The following PHLPP1 variants were observed in gnomAD, a reference collection of about 807,000 sequenced individuals.
PHLPP1 encodes the protein PH domain leucine-rich repeat-containing protein phosphatase 1.
Under a neutral mutation model 117.2 loss-of-function variants are expected in PHLPP1, and 42 were observed. The observed-to-expected ratio is 0.36, with a 90% CI of 0.28 to 0.46. The LOEUF (loss-of-function observed/expected upper bound fraction) is 0.46. Among genes scored for constraint, PHLPP1 ranks in the 20% least tolerant of loss-of-function variants. PHLPP1 has a pLI of 1.00. For missense variants in PHLPP1, 2,084 were observed against 2,241.9 expected (o/e 0.93, Z 1.42); for synonymous variants, 1,042 against 970.7 (o/e 1.07, Z -1.37).
At chr18:62,970,283 C>T (rs78794239) in intron 14 of PHLPP1, among the ~76,000 whole-genome samples, 3,592 of 152,222 alleles carry the variant, frequency 0.024, 143 homozygotes, top group African/African-American at 0.081. Context: ...GTTCTGCTTC[C>T]ATCTATGTTA....
intron 12 of PHLPP1, 139 bp from the exon 13 acceptor site, chr18:62,958,490 T>A: frequency 1.4e-6 from 1 of 728,286 alleles, no homozygotes. Flanking sequence ...AAGTAACAGA[T>A]AAGCCTCCTT....
Position 62,980,363 on chromosome 18 carries a change from T to A in PHLPP1, c.*932T>A, listed in dbSNP as rs1051525836. On this transcript the variant is annotated 3_prime_UTR_variant, in exon 17 of 17. Transcript: ENST00000262719. ...CATTAGGCCATTTACATACCCAGAGTTATACTCAAGCAGAATGCACAAATG... is the reference window on the plus strand; with the variant it reads ...CATTAGGCCATTTACATACCCAGAGATATACTCAAGCAGAATGCACAAATG... 2 of 152,590 alleles carry A rather than the reference T, an allele frequency of 1.3e-5. No individual in the cohort carries two copies. The highest frequency in any genetic ancestry group is 4.8e-5 in the African/African-American group (2 of 41,428). 9.5% of individuals were successfully genotyped at this position (152,590 alleles called of 1,614,324 possible). A position where few individuals can be genotyped will look rare whatever the true frequency, so the allele number is the denominator to read the frequency against.
At chr18:62,891,865 C>T (rs1230971916) in intron 4 of PHLPP1, among the ~76,000 whole-genome samples, 8 of 139,592 alleles carry the variant, frequency 5.7e-5, no homozygotes, top group African/African-American at 8.1e-5. Flanking sequence ...TGCATTCCAG[C>T]CTTGTCGATA....
At chr18:62,755,989 C>G (rs1169865381) in intron 1 of PHLPP1, among the ~76,000 whole-genome samples, 1 of 149,090 alleles carries the variant, frequency 6.7e-6, no homozygotes, top group Non-Finnish European at 1.5e-5. Flanking sequence ...TGTTCCCCCC[C>G]CCCTTCAATT....
At chr18:62,752,751 A>G (rs1302554821) in intron 1 of PHLPP1, among the ~76,000 whole-genome samples, 1 of 152,204 alleles carries the variant, frequency 6.6e-6, no homozygotes, top group Non-Finnish European at 1.5e-5. Context: ...CTCTTGTTAC[A>G]TGTTCAATAT....
At chr18:62,755,806 T>C (rs1911998479) in intron 1 of PHLPP1, among the ~76,000 whole-genome samples, 1 of 152,208 alleles carries the variant, frequency 6.6e-6, no homozygotes, top group African/African-American at 2.4e-5. Flanking sequence ...ATAGTTTGTA[T>C]CTATTTTTTG....
At chr18:62,950,474 GT>G (rs1025723988) in intron 12 of PHLPP1, among the ~76,000 whole-genome samples, 10 of 152,166 alleles carry the variant, frequency 6.6e-5, no homozygotes, top group African/African-American at 2.4e-4. Flanking sequence ...CCTGTTTGTT[GT>G]TGTTCTTGTC....
chr18:62,951,094 A>C (rs904908317), intron 12 of PHLPP1, among the ~76,000 whole-genome samples: 1 of 150,210 alleles, frequency 6.7e-6, no homozygotes, highest in African/African-American at 2.5e-5. Flanking sequence ...CCATTCTCCC[A>C]CCTCAGCCTC....
At chr18:62,897,351 G>A (rs550268862) in intron 6 of PHLPP1, among the ~76,000 whole-genome samples, 3 of 152,132 alleles carry the variant, frequency 2.0e-5, no homozygotes, top group Non-Finnish European at 4.4e-5. Flanking sequence ...ATCACCTACA[G>A]GATATTTAAA....
At chr18:62,827,888 C>T (rs111412157) in intron 1 of PHLPP1, among the ~76,000 whole-genome samples, 31 of 152,160 alleles carry the variant, frequency 2.0e-4, no homozygotes, top group African/African-American at 7.0e-4. Context: ...CCCTTATGTA[C>T]CCCTGTTCCC....
Position 62,979,482 on chromosome 18 carries a change from A to C in PHLPP1, c.*51A>C. 1 of 1,522,502 alleles carries C rather than the reference A, an allele frequency of 6.6e-7. No homozygotes were observed. Among genetic ancestry groups the C allele is most frequent in the South Asian group, 1.3e-5 (1 of 78,782 alleles). 94.3% of individuals were successfully genotyped at this position (1,522,502 alleles called of 1,614,324 possible). On this transcript the variant is annotated 3_prime_UTR_variant, in exon 17 of 17. Coordinates refer to ENST00000262719, the MANE Select transcript of PHLPP1 (RefSeq NM_194449.4). Reference sequence around the variant, plus strand: ...ACTAACCACAAAAGACTGAGTTGCAAGAGTCTCCCAGGCTCACATTAAACC... The same window carrying C: ...ACTAACCACAAAAGACTGAGTTGCACGAGTCTCCCAGGCTCACATTAAACC...
intron 1 of PHLPP1, among the ~76,000 whole-genome samples, chr18:62,811,405 A>G (rs114358155): frequency 0.011 from 1,718 of 152,344 alleles, 36 homozygotes; most frequent in African/African-American, 0.038. Context: ...AGGTGTGTGA[A>G]GGGGTTAAAG....
chr18:62,726,019 G>GT lies in PHLPP1; in HGVS notation c.1576+8764dup, dbSNP rs144094827. Among the ~76,000 whole-genome samples, 606 of 152,250 alleles carry GT rather than the reference G, an allele frequency of 4.0e-3. 5 individuals are homozygous for GT. The highest frequency in any genetic ancestry group is 0.014 in the African/African-American group (588 of 41,544). Reference sequence around the variant, plus strand: ...ATGGCTGGGGTGCAGCTGACATTCAGTTTTAAGTAACAAGGAACTCTCGTG... The same window carrying GT: ...ATGGCTGGGGTGCAGCTGACATTCAGTTTTTAAGTAACAAGGAACTCTCGTG... On this transcript the variant is annotated intron_variant, in intron 1 of 16. Transcript: ENST00000262719.
At position 62,723,102 on chromosome 18, in the gene PHLPP1, G is replaced by A. The variant is rs1331127904; in HGVS notation, c.1576+5843G>A. ...TTTACATTTGAGATTTTTATACATCGTAAAGTGTGTTTAACAATAAAGTGT... is the reference window on the plus strand; with the variant it reads ...TTTACATTTGAGATTTTTATACATCATAAAGTGTGTTTAACAATAAAGTGT... On this transcript the variant is annotated intron_variant, in intron 1 of 16. Coordinates refer to ENST00000262719, the MANE Select transcript of PHLPP1 (RefSeq NM_194449.4). Among the ~76,000 whole-genome samples the A allele has an allele frequency of 2.6e-5, 4 of 152,062 alleles. No homozygotes were observed. The East Asian group carries it at 5.8e-4, about 22-fold the overall frequency.
Position 62,860,429 on chromosome 18 carries a change from C to CT in PHLPP1, c.1900-3dup. On this transcript the variant is annotated splice_region_variant and splice_polypyrimidine_tract_variant and intron_variant, in intron 3 of 16. Coordinates refer to ENST00000262719, the MANE Select transcript of PHLPP1 (RefSeq NM_194449.4). ...GGTATTAAAATTAAGTTTTATCCCC[C>CT]TTTAGGTTGCATCCCAGCGCATTAG... 6.2e-7 allele frequency: 1 copy of CT among 1,613,290 alleles called. No homozygotes were observed. The highest frequency in any genetic ancestry group is 8.5e-7 in the Non-Finnish European group (1 of 1,179,412).
chr18:62,885,660 AAAAACAAAAC>A (rs143389050), intron 4 of PHLPP1, among the ~76,000 whole-genome samples: 4 of 152,130 alleles, frequency 2.6e-5, no homozygotes, highest in Non-Finnish European at 4.4e-5. Flanking sequence ...ACTCCGTCTC[AAAAACAAAAC>A]AAAACAAAAC....
rs568738898 is a variant in PHLPP1 at position 62,972,856 on chromosome 18, G to C, written c.3755+148G>C. ...GATGCATTCAGGCAAGTTTGGTGTT[G>C]CCCAGGCATCAGGAATGGTGCTCCG... On this transcript the variant is annotated intron_variant, in intron 15 of 16. Transcript: ENST00000262719. 5.6e-5 allele frequency: 36 copies of C among 640,636 alleles called. No homozygotes were observed. The South Asian group carries it at 6.9e-4, about 12-fold the overall frequency. The allele number at this position is 640,636 out of a possible 1,614,324, so 39.7% of individuals were successfully genotyped here.
intron 10 of PHLPP1, among the ~76,000 whole-genome samples, chr18:62,923,007 A>G (rs1909520426): frequency 6.6e-6 from 1 of 152,188 alleles, no homozygotes; most frequent in Admixed American, 6.5e-5. Context: ...TATGTTGGAA[A>G]AGGAAGGATT....
chr18:62,797,773 C>T (rs1913668441), intron 1 of PHLPP1, among the ~76,000 whole-genome samples: 1 of 152,080 alleles, frequency 6.6e-6, no homozygotes, highest in Non-Finnish European at 1.5e-5. Flanking sequence ...TCTCTTGGTA[C>T]AGTGAAATTA....
Sources: allele counts gnomAD v4.1 joint callset (sites outside exome capture counted in the v4.1 genomes callset), GRCh38; gene constraint gnomAD v4.1.1; transcripts MANE v1.5; gene names NCBI Gene and HGNC (gene_info 2026-07-23, HGNC 2026-07-21).